ROBO2: variants seen among roughly 807,000 people sequenced by gnomAD.
ROBO2 encodes the protein roundabout homolog 2.
A neutral mutation model predicts 160.8 loss-of-function variants in ROBO2; 53 were observed. The ratio of observed to expected loss-of-function variants is 0.33; its 90% CI spans 0.26 to 0.41. The LOEUF (loss-of-function observed/expected upper bound fraction) is 0.41. ROBO2 is among the 10% of genes least tolerant of loss of function. The probability of loss-of-function intolerance (pLI) is 1.00; values close to 1 mark genes in which losing one functional copy is unlikely to be tolerated. For missense variants in ROBO2, 1,577 were observed against 1,722.4 expected (o/e 0.92, Z 1.49); for synonymous variants, 664 against 611.7 (o/e 1.09, Z -1.26).
intron 2 of ROBO2, among the ~76,000 whole-genome samples, chr3:76,303,608 C>CA (rs5850248): frequency 6.6e-6 from 1 of 151,466 alleles, no homozygotes; most frequent in African/African-American, 2.4e-5. Flanking sequence ...AACTACTCTT[C>CA]AAAAAAAAAG....
intron 2 of ROBO2, among the ~76,000 whole-genome samples, chr3:77,369,759 T>C (rs1016695900): frequency 3.3e-5 from 5 of 152,188 alleles, no homozygotes; most frequent in Non-Finnish European, 7.4e-5. Flanking sequence ...AAAGGCAATA[T>C]GAAATTGTCC....
At chr3:77,405,363 A>G (rs991442480) in intron 2 of ROBO2, among the ~76,000 whole-genome samples, 2 of 152,138 alleles carry the variant, frequency 1.3e-5, no homozygotes, top group African/African-American at 2.4e-5. Flanking sequence ...TGTAAAATAT[A>G]TGTAATTTAT....
chr3:77,414,134 A>G (rs1020944358), intron 2 of ROBO2, among the ~76,000 whole-genome samples: 1 of 152,170 alleles, frequency 6.6e-6, no homozygotes, highest in Non-Finnish European at 1.5e-5. Context: ...TAGGCAGAAA[A>G]CCAAATGAGT....
intron 2 of ROBO2, among the ~76,000 whole-genome samples, chr3:76,914,894 C>G (rs558938204): frequency 9.1e-4 from 138 of 152,256 alleles, no homozygotes; most frequent in Middle Eastern, 3.4e-3. Flanking sequence ...GCATCCCATT[C>G]TTACTGAAAA....
At chr3:75,967,179 C>CT (rs1949145307) in intron 2 of ROBO2, among the ~76,000 whole-genome samples, 3 of 151,578 alleles carry the variant, frequency 2.0e-5, no homozygotes, top group Admixed American at 2.0e-4. Flanking sequence ...CTTTTTTTCT[C>CT]TTTTTTGTAA....
At chr3:76,156,693 C>T (rs550923158) in intron 2 of ROBO2, among the ~76,000 whole-genome samples, 33 of 152,330 alleles carry the variant, frequency 2.2e-4, no homozygotes, top group African/African-American at 7.5e-4. Context: ...AGTTGCTGGG[C>T]GCAGTGGCTC....
intron 2 of ROBO2, among the ~76,000 whole-genome samples, chr3:76,000,745 C>T (rs561482048): frequency 1.3e-5 from 2 of 152,108 alleles, no homozygotes; most frequent in Admixed American, 1.3e-4. Context: ...CTGCCTCGGC[C>T]TCCCAAAGTT....
At chr3:77,279,559 A>G (rs916801285) in intron 2 of ROBO2, among the ~76,000 whole-genome samples, 1 of 152,272 alleles carries the variant, frequency 6.6e-6, no homozygotes, top group Non-Finnish European at 1.5e-5. Context: ...GGACTAGTCC[A>G]GATCTGGCTC....
At chr3:76,274,045 A>G (rs1707769678) in intron 2 of ROBO2, among the ~76,000 whole-genome samples, 1 of 152,332 alleles carries the variant, frequency 6.6e-6, no homozygotes, top group Middle Eastern at 3.4e-3. Context: ...AATCCCATCC[A>G]TGAAAGGATC....
chr3:76,485,181 T>G (rs567991973), intron 2 of ROBO2, among the ~76,000 whole-genome samples: 87 of 152,094 alleles, frequency 5.7e-4, no homozygotes, highest in African/African-American at 2.0e-3. Context: ...AGTATACAAT[T>G]CTCATAATGT....
intron 2 of ROBO2, among the ~76,000 whole-genome samples, chr3:76,217,684 CA>C (rs1575932852): frequency 6.6e-6 from 1 of 151,958 alleles, no homozygotes; most frequent in Non-Finnish European, 1.5e-5. Context: ...GCTTACCAAC[CA>C]AAAAAATCCA....
At chr3:76,109,235 G>A (rs1459881763) in intron 2 of ROBO2, among the ~76,000 whole-genome samples, 1 of 146,788 alleles carries the variant, frequency 6.8e-6, no homozygotes, top group Non-Finnish European at 1.5e-5. Flanking sequence ...AGATGAAAAT[G>A]CTTTTTTTCA....
At chr3:76,431,047 T>A (rs2076415228) in intron 2 of ROBO2, among the ~76,000 whole-genome samples, 1 of 152,140 alleles carries the variant, frequency 6.6e-6, no homozygotes, top group Non-Finnish European at 1.5e-5. Flanking sequence ...AAGGGGGTTT[T>A]GTTCATTAAA....
intron 2 of ROBO2, among the ~76,000 whole-genome samples, chr3:76,412,447 G>T (rs948150275): frequency 1.3e-5 from 2 of 152,146 alleles, no homozygotes; most frequent in African/African-American, 4.8e-5. Flanking sequence ...CAGTCCAAAT[G>T]TTCATCTGGG....
chr3:77,384,235 G>A (rs1405119967), intron 2 of ROBO2, among the ~76,000 whole-genome samples: 1 of 152,062 alleles, frequency 6.6e-6, no homozygotes, highest in East Asian at 1.9e-4. Context: ...TAAATCAGAT[G>A]TTTATTACTT....
intron 1 of ROBO2, among the ~76,000 whole-genome samples, chr3:75,929,236 A>G (rs1001415799): frequency 1.3e-5 from 2 of 151,614 alleles, no homozygotes; most frequent in Non-Finnish European, 2.9e-5. Flanking sequence ...CGTTCATTGA[A>G]TAAGAAGCCT....
intron 2 of ROBO2, among the ~76,000 whole-genome samples, chr3:76,720,829 A>T (rs1346909242): frequency 6.6e-6 from 1 of 152,214 alleles, no homozygotes; most frequent in Non-Finnish European, 1.5e-5. Flanking sequence ...GGAATTTATA[A>T]TTCTAGTCAT....
intron 2 of ROBO2, among the ~76,000 whole-genome samples, chr3:76,672,843 G>T (rs974906989): frequency 5.3e-5 from 8 of 152,142 alleles, no homozygotes; most frequent in African/African-American, 1.9e-4. Context: ...GAAAAGTATT[G>T]CAAATTTATT....
intron 2 of ROBO2, among the ~76,000 whole-genome samples, chr3:76,412,116 G>T (rs1259940761): frequency 1.3e-5 from 2 of 152,116 alleles, no homozygotes; most frequent in Admixed American, 6.5e-5. Context: ...AGAGAAAAAT[G>T]AGGAAGAAGC....
Sources: gnomAD v4.1 joint callset for allele counts (sites outside exome capture counted in the v4.1 genomes callset) on GRCh38, gnomAD v4.1.1 for gene constraint, MANE v1.5 for transcripts, NCBI Gene and HGNC (gene_info 2026-07-23, HGNC 2026-07-21) for gene names.